Variants in SLC6A5 observed in about 807,000 individuals in gnomAD.
SLC6A5 encodes solute carrier family 6 member 5.
Under a neutral mutation model 90.5 loss-of-function variants are expected in SLC6A5, and 58 were observed. The ratio of observed to expected loss-of-function variants is 0.64; its 90% CI spans 0.52 to 0.80. The LOEUF (loss-of-function observed/expected upper bound fraction) is 0.80. SLC6A5 is among the 30% of genes least tolerant of loss of function. The probability of loss-of-function intolerance (pLI) is 0.00; values close to 1 mark genes in which losing one functional copy is unlikely to be tolerated. For missense variants in SLC6A5, 1,015 were observed against 1,017.6 expected (o/e 1.00, Z 0.03); for synonymous variants, 427 against 401.4 (o/e 1.06, Z -0.76).
intron 1 of SLC6A5, among the ~76,000 whole-genome samples, chr11:20,600,230 G>A (rs562684750): frequency 1.1e-4 from 16 of 152,062 alleles, no homozygotes; most frequent in African/African-American, 3.9e-4. Flanking sequence ...AAAGTGAATT[G>A]GGAAAAAGCG....
rs762261387 is a variant in SLC6A5 at position 20,607,155 on chromosome 11, G to A, written c.811+17G>A. 1.3e-5 allele frequency: 20 copies of A among 1,599,272 alleles called. No individual in the cohort carries two copies. Among genetic ancestry groups the A allele is most frequent in the South Asian group, 5.6e-5 (5 of 89,056 alleles). On this transcript the variant is annotated intron_variant, in intron 4 of 15. Coordinates refer to ENST00000525748, the MANE Select transcript of SLC6A5 (RefSeq NM_004211.5). ...CTCTACAAGGTGAGTCCAGCCTGCC[G>A]CTCAGCCTCCTCAGGCCCTTTCTTA...
intron 1 of SLC6A5, among the ~76,000 whole-genome samples, chr11:20,600,871 T>C (rs769766543): frequency 6.6e-6 from 1 of 152,164 alleles, no homozygotes; most frequent in Non-Finnish European, 1.5e-5. Flanking sequence ...CCTTACAAAA[T>C]TACATTTCTA....
chr11:20,645,845 C>T (rs182460576), intron 13 of SLC6A5, among the ~76,000 whole-genome samples: 92 of 152,162 alleles, frequency 6.0e-4, no homozygotes, highest in African/African-American at 2.0e-3. Context: ...CCGTGTTAGA[C>T]GGGATGTTCT....
At chr11:20,604,646 CAG>C (rs1386811265) in intron 3 of SLC6A5, among the ~76,000 whole-genome samples, 4 of 152,168 alleles carry the variant, frequency 2.6e-5, no homozygotes, top group South Asian at 2.1e-4. Flanking sequence ...GAGAGGGACA[CAG>C]GGGAGGAGTG....
intron 11 of SLC6A5, 82 bp downstream of exon 11, chr11:20,636,501 G>A: frequency 2.3e-6 from 2 of 863,382 alleles, no homozygotes; most frequent in Non-Finnish European, 4.0e-6. Flanking sequence ...CACCCTTCAG[G>A]AGAGGGGTAG....
chr11:20,605,988 G>C (rs1852573130), intron 3 of SLC6A5, among the ~76,000 whole-genome samples: 1 of 152,236 alleles, frequency 6.6e-6, no homozygotes, highest in Non-Finnish European at 1.5e-5. Flanking sequence ...GGAGGGGCGG[G>C]AGCATGAAGA....
Position 20,655,060 on chromosome 11 carries a change from C to T in SLC6A5, c.*192C>T. 3.1e-6 allele frequency: 2 copies of T among 652,124 alleles called. No individual in the cohort carries two copies. Among genetic ancestry groups the T allele is most frequent in the East Asian group, 6.0e-5 (2 of 33,518 alleles). 40.4% of individuals were successfully genotyped at this position (652,124 alleles called of 1,614,324 possible). On this transcript the variant is annotated 3_prime_UTR_variant, in exon 16 of 16. Transcript: ENST00000525748. ...TGCAGTAAAGAGCTACATAGACCAC[C>T]TGAAGCGCTGTTTGCCTGTGCCCAT...
chr11:20,650,587 G>A (rs1251959156), intron 14 of SLC6A5, among the ~76,000 whole-genome samples: 2 of 150,654 alleles, frequency 1.3e-5, no homozygotes. Flanking sequence ...CAGCTAATTA[G>A]TGGTTGGGCC....
intron 10 of SLC6A5, among the ~76,000 whole-genome samples, chr11:20,631,187 G>A (rs1214303784): frequency 6.6e-6 from 1 of 152,244 alleles, no homozygotes; most frequent in Non-Finnish European, 1.5e-5. Context: ...ACAGGCTGCT[G>A]TAGGATGACA....
chr11:20,638,271 A>G (rs577818848), intron 12 of SLC6A5, among the ~76,000 whole-genome samples, 188 bp from the exon 13 acceptor site: 3 of 152,200 alleles, frequency 2.0e-5, no homozygotes, highest in African/African-American at 7.2e-5. Context: ...TGCTTTGCTG[A>G]CTCAGCAAGG....
At chr11:20,628,961 T>C (rs1853055214) in intron 9 of SLC6A5, among the ~76,000 whole-genome samples, 1 of 152,174 alleles carries the variant, frequency 6.6e-6, no homozygotes, top group South Asian at 2.1e-4. Flanking sequence ...CGGTGCATAG[T>C]ACAGGTATCA....
chr11:20,605,819 C>T (rs1344221007), intron 3 of SLC6A5, among the ~76,000 whole-genome samples: 1 of 152,206 alleles, frequency 6.6e-6, no homozygotes, highest in East Asian at 1.9e-4. Flanking sequence ...GGAGGGCTCG[C>T]CGCTCCTTTT....
chr11:20,600,021 A>C (rs143951143), intron 1 of SLC6A5, among the ~76,000 whole-genome samples: 136 of 152,148 alleles, frequency 8.9e-4, no homozygotes, highest in African/African-American at 3.1e-3. Context: ...AGGTACCTAG[A>C]TTTGTGCAAA....
At position 20,607,112 on chromosome 11, in the gene SLC6A5, T is replaced by C; in HGVS notation, c.785T>C (p.Val262Ala). ...TTTGCCAGCCAGGGACCAGTGTCTG[T>C]GTGGAAGGCCATCCCAGCTCTACAA... The part of the protein sequence containing the change: ...GQFASQGPVS[V>A]WKAIPALQGC... Residue 262 changes from valine to alanine, a missense_variant, in exon 4 of 16, where the codon GTG (valine) becomes GCG (alanine). This residue lies in a region of SLC6A5 where 567 missense variants were observed against 507.3 expected (regional missense o/e 1.12). Transcript: ENST00000525748. The C allele has an allele frequency of 6.2e-7, 1 of 1,614,094 alleles. No homozygotes were observed. The highest frequency in any genetic ancestry group is 8.5e-7 in the Non-Finnish European group (1 of 1,180,010).
At chr11:20,618,735 G>A (rs1336449052) in intron 7 of SLC6A5, among the ~76,000 whole-genome samples, 1 of 152,036 alleles carries the variant, frequency 6.6e-6, no homozygotes, top group Non-Finnish European at 1.5e-5. Flanking sequence ...CCTGGAGTTC[G>A]AGACCACCCT....
chr11:20,643,190 T>A (rs987829957), intron 13 of SLC6A5, among the ~76,000 whole-genome samples: 10 of 151,898 alleles, frequency 6.6e-5, no homozygotes, highest in African/African-American at 2.2e-4. Context: ...GGCAACAGGA[T>A]TGATGCTAAT....
intron 9 of SLC6A5, 51 bp from the exon 10 acceptor site, chr11:20,630,640 T>C (rs1853090648): frequency 1.2e-6 from 2 of 1,611,130 alleles, no homozygotes. Flanking sequence ...CCCTTGTCCC[T>C]TTCCACTCAC....
At chr11:20,654,255 T>C (rs1402417504) in intron 15 of SLC6A5, among the ~76,000 whole-genome samples, 1 of 152,100 alleles carries the variant, frequency 6.6e-6, no homozygotes, top group Non-Finnish European at 1.5e-5. Flanking sequence ...TTCTGGGAAA[T>C]ATGCTAAACA....
chr11:20,600,335 GGAAGAAGAAGAA>G (rs55891826), intron 1 of SLC6A5, among the ~76,000 whole-genome samples: 7,817 of 87,838 alleles, frequency 0.089, 335 homozygotes, highest in African/African-American at 0.098. Context: ...AAGAAGAAGA[GGAAGAAGAAGAA>G]GAAGAAGAAG....
Sources: gnomAD v4.1 joint callset for allele counts (sites outside exome capture counted in the v4.1 genomes callset) on GRCh38, gnomAD v4.1.1 for gene constraint, gnomAD v4.1.1 regional missense constraint, MANE v1.5 for transcripts, NCBI Gene and HGNC (gene_info 2026-07-23, HGNC 2026-07-21) for gene names.